Variants in EMCN observed in about 807,000 individuals in gnomAD.
EMCN encodes MUC-14.
In EMCN, 37 loss-of-function variants were observed where a neutral mutation model predicts 38.4. The observed-to-expected ratio is 0.96, with a 90% CI of 0.74 to 1.27. EMCN has a LOEUF of 1.27. EMCN is among the 50% of genes most tolerant of loss of function. The pLI, the probability that EMCN is intolerant of heterozygous loss-of-function variation, is 0.00. For missense variants in EMCN, 318 were observed against 302.8 expected (o/e 1.05, Z -0.37); for synonymous variants, 95 against 100.8 (o/e 0.94, Z 0.35).
chr4:100,405,904 G>A (rs1050635735), intron 11 of EMCN, among the ~76,000 whole-genome samples: 1 of 151,910 alleles, frequency 6.6e-6, no homozygotes, highest in Non-Finnish European at 1.5e-5. Flanking sequence ...ATTTTGGAAT[G>A]CATTATTGGT....
At chr4:100,507,494 A>G (rs558313442) in intron 1 of EMCN, among the ~76,000 whole-genome samples, 16 of 152,330 alleles carry the variant, frequency 1.1e-4, no homozygotes, top group Admixed American at 2.0e-4. Flanking sequence ...CAGTGAAAAG[A>G]GCACACTGCA....
intron 5 of EMCN, among the ~76,000 whole-genome samples, chr4:100,434,880 A>T (rs1444712497): frequency 1.3e-5 from 2 of 152,190 alleles, no homozygotes; most frequent in Non-Finnish European, 2.9e-5. Context: ...ATACCTCTAA[A>T]TAATAAGAGC....
intron 1 of EMCN, among the ~76,000 whole-genome samples, chr4:100,485,494 C>T (rs1337969385): frequency 1.3e-5 from 2 of 151,854 alleles, no homozygotes; most frequent in East Asian, 3.9e-4. Flanking sequence ...TAATTGCTAA[C>T]ATTATAATTC....
At chr4:100,516,088 G>A (rs1016582583) in intron 1 of EMCN, among the ~76,000 whole-genome samples, 2 of 152,052 alleles carry the variant, frequency 1.3e-5, no homozygotes, top group Non-Finnish European at 2.9e-5. Flanking sequence ...TGTAACTATT[G>A]TCTCTGCTCA....
At chr4:100,419,190 A>T (rs936147467) in intron 8 of EMCN, among the ~76,000 whole-genome samples, 3 of 152,076 alleles carry the variant, frequency 2.0e-5, no homozygotes, top group Admixed American at 2.0e-4. Context: ...AGTTCAGTCC[A>T]CTGTCAACCT....
intron 1 of EMCN, among the ~76,000 whole-genome samples, chr4:100,480,710 C>T (rs145155339): frequency 0.026 from 3,906 of 151,804 alleles, 68 homozygotes; most frequent in Non-Finnish European, 0.041. Flanking sequence ...GTTTATTTCT[C>T]TAAATTTTAA....
chr4:100,447,459 T>G, intron 5 of EMCN, 74 bp downstream of exon 5: 7 of 1,000,650 alleles, frequency 7.0e-6, no homozygotes, highest in Non-Finnish European at 1.1e-5. Context: ...CCAAACTGAT[T>G]GGTGTAATTT....
chr4:100,448,671 C>T (rs927379491), intron 4 of EMCN, among the ~76,000 whole-genome samples: 2 of 152,162 alleles, frequency 1.3e-5, no homozygotes, highest in African/African-American at 4.8e-5. Context: ...TTAAACTTCA[C>T]TGCTCCAATG....
chr4:100,452,139 G>A (rs990904369), intron 4 of EMCN, among the ~76,000 whole-genome samples: 4 of 152,020 alleles, frequency 2.6e-5, no homozygotes, highest in Non-Finnish European at 5.9e-5. Flanking sequence ...AAAGACCTGG[G>A]TGTTGGTCAC....
chr4:100,405,955 C>T (rs569025832), intron 11 of EMCN, among the ~76,000 whole-genome samples: 21 of 151,706 alleles, frequency 1.4e-4, no homozygotes, highest in African/African-American at 4.1e-4. Context: ...AATCTTGGGA[C>T]GTTGTATTTT....
At chr4:100,512,580 G>A (rs1262942535) in intron 1 of EMCN, among the ~76,000 whole-genome samples, 1 of 152,094 alleles carries the variant, frequency 6.6e-6, no homozygotes, top group Non-Finnish European at 1.5e-5. Context: ...CGAGGCAGGT[G>A]GATCACCTGA....
intron 4 of EMCN, among the ~76,000 whole-genome samples, chr4:100,460,035 T>C (rs1300338536): frequency 6.6e-6 from 1 of 152,208 alleles, no homozygotes; most frequent in African/African-American, 2.4e-5. Flanking sequence ...ATTTTATATT[T>C]CCATCAACAG....
intron 5 of EMCN, among the ~76,000 whole-genome samples, chr4:100,430,540 C>T (rs774677041): frequency 1.5e-4 from 23 of 152,184 alleles, no homozygotes; most frequent in Non-Finnish European, 2.5e-4. Flanking sequence ...GTAAATAAAG[C>T]GTGTCGTAGA....
chr4:100,473,009 T>TATATAA (rs1560629945), intron 3 of EMCN, among the ~76,000 whole-genome samples: 1 of 99,352 alleles, frequency 1.0e-5, no homozygotes, highest in African/African-American at 2.9e-5. Context: ...TATATATATA[T>TATATAA]TATATATATA....
intron 1 of EMCN, among the ~76,000 whole-genome samples, chr4:100,509,668 T>G (rs1304268079): frequency 6.6e-6 from 1 of 152,208 alleles, no homozygotes; most frequent in Non-Finnish European, 1.5e-5. Flanking sequence ...ATTCAATGTG[T>G]GATACAAATG....
rs367791705 is a variant in EMCN, at chr4:100,491,969, C to A, written c.65-11930G>T. 4.6e-5 allele frequency among the ~76,000 whole-genome samples: 7 copies of A among 152,064 alleles called. 1 individual carries two copies. In the South Asian group the frequency reaches 1.5e-3, roughly 32 times the overall value. ...GCTGTCTCCTCACATGTACAGACAC[C>A]AATGCAAGGATACGAGGATTACAAA... On this transcript the variant is annotated intron_variant, in intron 1 of 11. Transcript: ENST00000296420.
chr4:100,434,603 G>A (rs1415592567), intron 5 of EMCN, among the ~76,000 whole-genome samples: 1 of 152,110 alleles, frequency 6.6e-6, no homozygotes, highest in Non-Finnish European at 1.5e-5. Context: ...TATCTCTGAT[G>A]AACATCAATG....
intron 2 of EMCN, among the ~76,000 whole-genome samples, chr4:100,476,965 G>C (rs563127377): frequency 6.6e-6 from 1 of 152,220 alleles, no homozygotes; most frequent in East Asian, 1.9e-4. Flanking sequence ...AAATTTCCAA[G>C]AATGTTTTTA....
At chr4:100,420,899 G>A (rs528919394) in intron 8 of EMCN, among the ~76,000 whole-genome samples, 1 of 151,806 alleles carries the variant, frequency 6.6e-6, no homozygotes, top group Non-Finnish European at 1.5e-5. Context: ...TGAGATTATG[G>A]GCCCCTGAGC....
Sources: gnomAD v4.1 joint callset for allele counts (sites outside exome capture counted in the v4.1 genomes callset) on GRCh38, gnomAD v4.1.1 for gene constraint, MANE v1.5 for transcripts, NCBI Gene and HGNC (gene_info 2026-07-23, HGNC 2026-07-21) for gene names.